FAM222A: variants seen among roughly 807,000 people sequenced by gnomAD.
The protein encoded by FAM222A is family with sequence similarity 222 member A, also known as protein FAM222A.
In FAM222A, 7 loss-of-function variants were observed where a neutral mutation model predicts 25.8. The ratio of observed to expected loss-of-function variants is 0.27; its 90% CI spans 0.15 to 0.51. The LOEUF is 0.51. Among genes scored for constraint, FAM222A ranks in the 20% least tolerant of loss-of-function variants. The probability of loss-of-function intolerance (pLI) is 0.97; values close to 1 mark genes in which losing one functional copy is unlikely to be tolerated. For synonymous variants in FAM222A, 294 were observed against 298.8 expected, an observed-to-expected ratio of 0.98 and a Z score of 0.17; for missense variants, 573 against 640.5, an observed-to-expected ratio of 0.89 and a Z score of 1.14.
chr12:109,739,736 G>A (rs375154867), intron 1 of FAM222A, among the ~76,000 whole-genome samples: 1 of 152,118 alleles, frequency 6.6e-6, no homozygotes, highest in African/African-American at 2.4e-5. Context: ...CCCCAACCAC[G>A]ATGGAGCTGC....
chr12:109,728,397 C>A lies in FAM222A; in HGVS notation c.-47+13500C>A, dbSNP rs1004836461. On this transcript the variant is annotated intron_variant, in intron 1 of 2. Coordinates refer to ENST00000538780, the MANE Select transcript of FAM222A (RefSeq NM_032829.3). ...TCTGGTGAGGCCCAGCCCTTAGTCT[C>A]TTCCTAATCCCCACTTTGCCTCGTC... 3.9e-5 allele frequency among the ~76,000 whole-genome samples: 6 copies of A among 152,316 alleles called. No homozygotes were observed. The South Asian group carries it at 1.2e-3, about 32-fold the overall frequency.
In FAM222A at chr12:109,768,390, T is replaced by C. The variant is rs1889124487; in HGVS notation, c.461T>C (p.Leu154Pro). Residue 154 changes from leucine (L) to proline (P), a missense_variant, in exon 3 of 3, where the codon CTG (leucine) becomes CCG (proline). Around this residue, in one of 3 missense-constraint regions of FAM222A, gnomAD observed 412 missense variants for 407.0 expected, o/e 1.01. Transcript: ENST00000538780. ...GCGCCCTACCCAGTGCCCAGCACTC[T>C]GGGTCCCTTGGCCTACCCCAAGCCA... ...GIAPYPVPST[L>P]GPLAYPKPPE... 3.8e-6 allele frequency: 6 copies of C among 1,597,986 alleles called. No individual in the cohort carries two copies. The highest frequency in any genetic ancestry group is 5.1e-6 in the Non-Finnish European group (6 of 1,177,702).
chr12:109,716,781 C>T lies in FAM222A; in HGVS notation c.-47+1884C>T, dbSNP rs1202566541. Among the ~76,000 whole-genome samples the T allele has an allele frequency of 2.6e-5, 4 of 152,240 alleles. No individual in the cohort carries two copies. In the East Asian group the frequency reaches 7.7e-4, roughly 29 times the overall value. Reference sequence around the variant, plus strand: ...AGAATTGGGCAATTCCTTCTGTTCCCTTCCCTCATCTCCCTGGGCTTGGCA... The same window carrying T: ...AGAATTGGGCAATTCCTTCTGTTCCTTTCCCTCATCTCCCTGGGCTTGGCA... On this transcript the variant is annotated intron_variant, in intron 1 of 2. Transcript: ENST00000538780.
rs534152209 is a variant in FAM222A, at chr12:109,731,706, C to A, written c.-46-12395C>A. ...GTTGGTAAGCTGGGTCCGGAGGAGGCTCTAGCCCTGCCCCTCTGCCCACCC... is the reference window on the plus strand; with the variant it reads ...GTTGGTAAGCTGGGTCCGGAGGAGGATCTAGCCCTGCCCCTCTGCCCACCC... On this transcript the variant is annotated intron_variant, in intron 1 of 2. Transcript: ENST00000538780. 5.9e-5 allele frequency among the ~76,000 whole-genome samples: 9 copies of A among 152,272 alleles called. No individual in the cohort carries two copies. The East Asian group carries it at 1.7e-3, about 29-fold the overall frequency.
chr12:109,756,283 C>G (rs1888723920), intron 2 of FAM222A, among the ~76,000 whole-genome samples: 1 of 151,762 alleles, frequency 6.6e-6, no homozygotes, highest in Non-Finnish European at 1.5e-5. Context: ...TGCAACCTTG[C>G]TGAACTTCTT....
chr12:109,761,595 T>C (rs996622634), intron 2 of FAM222A, among the ~76,000 whole-genome samples: 4 of 152,116 alleles, frequency 2.6e-5, no homozygotes, highest in Admixed American at 2.6e-4. Flanking sequence ...CCTGCGAGGG[T>C]GTAGTAAGTT....
At chr12:109,738,705 A>G (rs569056294) in intron 1 of FAM222A, among the ~76,000 whole-genome samples, 1 of 152,358 alleles carries the variant, frequency 6.6e-6, no homozygotes, top group South Asian at 2.1e-4. Context: ...CTCAAAGACA[A>G]TGGCTACGTC....
At chr12:109,755,246 G>A (rs1360610554) in intron 2 of FAM222A, among the ~76,000 whole-genome samples, 1 of 130,052 alleles carries the variant, frequency 7.7e-6, no homozygotes, top group African/African-American at 3.0e-5. Context: ...TGTTTTAAGA[G>A]TTTTCTGATT....
Position 109,748,334 on chromosome 12 carries a change from CT to C in FAM222A, c.82+4126del, listed in dbSNP as rs61492433. On this transcript the variant is annotated intron_variant, in intron 2 of 2. Coordinates refer to ENST00000538780, the MANE Select transcript of FAM222A (RefSeq NM_032829.3). Reference sequence around the variant, plus strand: ...AAGAGATTGTTCTTTGGTTTTCTTTCTTTTTTTTTTTTTTTTTTTTGGAACA... The same window carrying C: ...AAGAGATTGTTCTTTGGTTTTCTTTCTTTTTTTTTTTTTTTTTTTGGAACA... Among the ~76,000 whole-genome samples the C allele has an allele frequency of 6.5e-3, 531 of 81,642 alleles. 3 individuals are homozygous for C. Among genetic ancestry groups the C allele is most frequent in the Non-Finnish European group, 8.0e-3 (269 of 33,718 alleles). 53.6% of individuals were successfully genotyped at this position (81,642 alleles called of 152,430 possible). A position where few individuals can be genotyped will look rare whatever the true frequency, so the allele number is the denominator to read the frequency against.
intron 1 of FAM222A, among the ~76,000 whole-genome samples, chr12:109,721,136 T>A (rs1262617497): frequency 6.6e-6 from 1 of 150,994 alleles, no homozygotes; most frequent in East Asian, 2.0e-4. Context: ...TTTATCCCTG[T>A]CATGTGAATG....
chr12:109,724,039 C>T (rs915967956), intron 1 of FAM222A, among the ~76,000 whole-genome samples: 14 of 152,218 alleles, frequency 9.2e-5, no homozygotes, highest in Admixed American at 2.0e-4. Flanking sequence ...GACCCATCCC[C>T]GGGGGCTTCC....
Position 109,769,764 on chromosome 12 carries a change from G to A in FAM222A, c.*476G>A, listed in dbSNP as rs970891473. On this transcript the variant is annotated 3_prime_UTR_variant, in exon 3 of 3. Transcript: ENST00000538780. ...AGTATTCTGGAAAAGGGGTACAGGAGGCCGATAGGAAGTCACTGGGCCCAA... is the reference window on the plus strand; with the variant it reads ...AGTATTCTGGAAAAGGGGTACAGGAAGCCGATAGGAAGTCACTGGGCCCAA... 1.2e-5 allele frequency: 2 copies of A among 168,790 alleles called. No individual in the cohort carries two copies. Among genetic ancestry groups the A allele is most frequent in the African/African-American group, 4.8e-5 (2 of 41,754 alleles). The allele number at this position is 168,790 out of a possible 1,614,324, so 10.5% of individuals were successfully genotyped here.
At chr12:109,753,278 T>A (rs140644491) in intron 2 of FAM222A, among the ~76,000 whole-genome samples, 228 of 152,172 alleles carry the variant, frequency 1.5e-3, no homozygotes, top group African/African-American at 5.2e-3. Context: ...AGCTGGACCT[T>A]GGGTAAGTGA....
At chr12:109,731,361 G>A (rs928869119) in intron 1 of FAM222A, among the ~76,000 whole-genome samples, 1 of 152,022 alleles carries the variant, frequency 6.6e-6, no homozygotes, top group Non-Finnish European at 1.5e-5. Flanking sequence ...CTCAGAATCC[G>A]GCCCTCCCAC....
rs1191349210 is a variant in FAM222A at position 109,744,224 on chromosome 12, C to T, written c.78C>T (p.Arg26=). The part of the protein sequence containing the change: ...LACPSKSLEL[R]KCEAVASAMH... ...GCCCGAGCAAGAGCCTGGAGCTGCGCAAGTGTGAGTAGGACGCCTCCCCAG... is the reference window on the plus strand; with the variant it reads ...GCCCGAGCAAGAGCCTGGAGCTGCGTAAGTGTGAGTAGGACGCCTCCCCAG... Residue 26 remains arginine (R), a synonymous_variant, in exon 2 of 3, where the codon CGC becomes CGT. Coordinates refer to ENST00000538780, the MANE Select transcript of FAM222A (RefSeq NM_032829.3). 6.2e-7 allele frequency: 1 copy of T among 1,612,926 alleles called. No individual in the cohort carries two copies. Among genetic ancestry groups the T allele is most frequent in the African/African-American group, 1.3e-5 (1 of 75,056 alleles).
At chr12:109,716,342 G>T (rs1418591399) in intron 1 of FAM222A, among the ~76,000 whole-genome samples, 1 of 152,194 alleles carries the variant, frequency 6.6e-6, no homozygotes, top group Non-Finnish European at 1.5e-5. Flanking sequence ...AACTGTCATT[G>T]CCTCAGCAGC....
chr12:109,754,453 C>T (rs1243249972), intron 2 of FAM222A, among the ~76,000 whole-genome samples: 4 of 152,182 alleles, frequency 2.6e-5, no homozygotes, highest in Admixed American at 1.3e-4. Flanking sequence ...TACTCCTTGA[C>T]AGCAGAGGTT....
chr12:109,765,365 A>G lies in FAM222A; in HGVS notation c.83-2647A>G, dbSNP rs374622642. Among the ~76,000 whole-genome samples, 7 of 152,304 alleles carry G rather than the reference A, an allele frequency of 4.6e-5. 1 individual carries two copies. Among genetic ancestry groups the G allele is most frequent in the African/African-American group, 1.4e-4 (6 of 41,572 alleles). On this transcript the variant is annotated intron_variant, in intron 2 of 2. Coordinates refer to ENST00000538780, the MANE Select transcript of FAM222A (RefSeq NM_032829.3). ...TACACACAGCCAGAGTGCCCCGTGC[A>G]GTGAGAGCCGCTTTCCTGCAGCGAA...
Position 109,744,091 on chromosome 12 carries a change from C to A in FAM222A, c.-46-10C>A. Reference sequence around the variant, plus strand: ...CCCAAGTGACAGAGCACCCCATCTTCCTCCTGCAGGGACCCAGTCGCAGAG... The same window carrying A: ...CCCAAGTGACAGAGCACCCCATCTTACTCCTGCAGGGACCCAGTCGCAGAG... On this transcript the variant is annotated splice_polypyrimidine_tract_variant and intron_variant, in intron 1 of 2. Coordinates refer to ENST00000538780, the MANE Select transcript of FAM222A (RefSeq NM_032829.3). 4 of 1,589,186 alleles carry A rather than the reference C, an allele frequency of 2.5e-6. No individual in the cohort carries two copies. The highest frequency in any genetic ancestry group is 3.4e-6 in the Non-Finnish European group (4 of 1,168,530).
Sources: gnomAD v4.1 joint callset for allele counts (sites outside exome capture counted in the v4.1 genomes callset) on GRCh38, gnomAD v4.1.1 for gene constraint, gnomAD v4.1.1 regional missense constraint, MANE v1.5 for transcripts, NCBI Gene and HGNC (gene_info 2026-07-23, HGNC 2026-07-21) for gene names.